ASAP2: variants seen among roughly 807,000 people sequenced by gnomAD.
ASAP2 encodes ArfGAP with SH3 domain, ankyrin repeat and PH domain 2.
A neutral mutation model predicts 131.4 loss-of-function variants in ASAP2; 45 were observed. The observed-to-expected ratio is 0.34, with a 90% CI of 0.27 to 0.44. The LOEUF (loss-of-function observed/expected upper bound fraction) is 0.44. Among genes scored for constraint, ASAP2 ranks in the 20% least tolerant of loss-of-function variants. The probability of loss-of-function intolerance (pLI) is 1.00; values close to 1 mark genes in which losing one functional copy is unlikely to be tolerated. For missense variants in ASAP2, 1,011 were observed against 1,297.0 expected (o/e 0.78, Z 3.39); for synonymous variants, 510 against 503.0 (o/e 1.01, Z -0.19).
At chr2:9,377,158 G>A (rs1276536296) in intron 18 of ASAP2, among the ~76,000 whole-genome samples, 165 bp downstream of exon 18, 1 of 152,146 alleles carries the variant, frequency 6.6e-6, no homozygotes, top group Middle Eastern at 3.2e-3. Flanking sequence ...GGTACTCCAT[G>A]GCAATCCTTT....
At position 9,217,270 on chromosome 2, in the gene ASAP2, C is replaced by T. The variant is rs1197970539; in HGVS notation, c.126+10040C>T. On this transcript the variant is annotated intron_variant, in intron 1 of 27. Coordinates refer to ENST00000281419, the MANE Select transcript of ASAP2 (RefSeq NM_003887.3). This position sits in a 1 kb window ranked among gnomAD's most constrained non-coding sequence, Gnocchi z 4.0. ...CTTCTGGCAAATCCTTGTTGCTTCT[C>T]GTTTCCTGTTTGCCTCATCTGTCCT... Among the ~76,000 whole-genome samples, 2 of 152,174 alleles carry T rather than the reference C, an allele frequency of 1.3e-5. No homozygotes were observed. Among genetic ancestry groups the T allele is most frequent in the African/African-American group, 2.4e-5 (1 of 41,430 alleles).
chr2:9,357,192 A>G (rs1672767334), intron 14 of ASAP2, among the ~76,000 whole-genome samples: 1 of 151,908 alleles, frequency 6.6e-6, no homozygotes, highest in African/African-American at 2.4e-5. Context: ...AAAAAAAAGA[A>G]TACCGACTGG....
At chr2:9,248,780 G>T (rs1374435735) in intron 1 of ASAP2, among the ~76,000 whole-genome samples, 3 of 152,108 alleles carry the variant, frequency 2.0e-5, no homozygotes, top group African/African-American at 7.2e-5. Context: ...TTAGATGGCA[G>T]TTCTTTATGG....
chr2:9,210,266 A>C (rs531992931), intron 1 of ASAP2, among the ~76,000 whole-genome samples: 3 of 152,250 alleles, frequency 2.0e-5, no homozygotes, highest in Admixed American at 1.3e-4. Context: ...ACAGCTTGCC[A>C]GCTGAGTGAA....
chr2:9,395,573 T>C (rs1676055317), intron 24 of ASAP2, among the ~76,000 whole-genome samples: 1 of 151,040 alleles, frequency 6.6e-6, no homozygotes. Flanking sequence ...TGTTTTGTTT[T>C]GTTTTTCTTG....
intron 1 of ASAP2, among the ~76,000 whole-genome samples, chr2:9,254,352 ACT>A (rs1664982536): frequency 1.6e-5 from 2 of 126,384 alleles, no homozygotes; most frequent in African/African-American, 6.1e-5. Context: ...TATAAACTAA[ACT>A]TTTTTTTTTT....
At chr2:9,270,418 A>G (rs532590127) in intron 1 of ASAP2, among the ~76,000 whole-genome samples, 2 of 151,772 alleles carry the variant, frequency 1.3e-5, no homozygotes, top group East Asian at 3.9e-4. Context: ...CTAAGATTTC[A>G]GTATTTTTTT....
At position 9,206,997 on chromosome 2, in the gene ASAP2, C is replaced by G. The variant is rs939648242; in HGVS notation, c.-108C>G. On this transcript the variant is annotated 5_prime_UTR_variant, in exon 1 of 28. Transcript: ENST00000281419. This position sits in a 1 kb window ranked among gnomAD's most constrained non-coding sequence, Gnocchi z 4.0. ...CCGGCGCTCCCCTTTGTCCGCGGGC[C>G]GGAGCGGCGGCGGCAGCGGCGGTGT... is the stretch of plus-strand genomic sequence containing the variant. 16 of 1,023,822 alleles carry G rather than the reference C, an allele frequency of 1.6e-5. No individual in the cohort carries two copies. In the East Asian group the frequency reaches 7.8e-4, roughly 50 times the overall value. The allele number at this position is 1,023,822 out of a possible 1,614,324, so 63.4% of individuals were successfully genotyped here.
chr2:9,399,740 A>G, intron 24 of ASAP2: 2 of 493,220 alleles, frequency 4.1e-6, no homozygotes, highest in Non-Finnish European at 7.3e-6. Context: ...GCCAGTGGCC[A>G]GTGCCCAGCA....
chr2:9,249,687 T>C (rs996136804), intron 1 of ASAP2, among the ~76,000 whole-genome samples: 1 of 151,484 alleles, frequency 6.6e-6, no homozygotes, highest in African/African-American at 2.4e-5. Context: ...GACTGGGCGC[T>C]GGGCTGAGAT....
chr2:9,386,055 T>G (rs1401925588), intron 21 of ASAP2, among the ~76,000 whole-genome samples: 1 of 152,212 alleles, frequency 6.6e-6, no homozygotes, highest in African/African-American at 2.4e-5. Context: ...CCATCTGTCC[T>G]TCAGCATGGT....
intron 16 of ASAP2, among the ~76,000 whole-genome samples, chr2:9,371,580 A>G (rs1469360797): frequency 6.6e-6 from 1 of 152,198 alleles, no homozygotes; most frequent in African/African-American, 2.4e-5. Context: ...GGGGAAACCA[A>G]GGACACCCTC....
intron 2 of ASAP2, among the ~76,000 whole-genome samples, chr2:9,280,712 A>C (rs576089336): frequency 1.3e-5 from 2 of 152,332 alleles, no homozygotes; most frequent in East Asian, 3.9e-4. Context: ...GCGGAAATTG[A>C]CAGGCCTTTT....
At chr2:9,335,493 A>G (rs920710302) in intron 9 of ASAP2, among the ~76,000 whole-genome samples, 2 of 152,110 alleles carry the variant, frequency 1.3e-5, no homozygotes, top group Non-Finnish European at 2.9e-5. Flanking sequence ...TGTGCTATTT[A>G]TCCTGTACCT....
intron 1 of ASAP2, among the ~76,000 whole-genome samples, chr2:9,218,797 T>TC (rs1662227186): frequency 6.6e-6 from 1 of 152,238 alleles, no homozygotes; most frequent in East Asian, 1.9e-4. Flanking sequence ...TTGCTTTTTT[T>TC]GGCTGTCGTC....
chr2:9,286,447 A>AAAATATAT (rs58605449), intron 2 of ASAP2, among the ~76,000 whole-genome samples: 7 of 148,490 alleles, frequency 4.7e-5, no homozygotes, highest in African/African-American at 1.8e-4. Flanking sequence ...GAAAAAAAAA[A>AAAATATAT]ATATATATAT....
intron 1 of ASAP2, among the ~76,000 whole-genome samples, chr2:9,211,837 G>A (rs1661582625): frequency 6.6e-6 from 1 of 152,224 alleles, no homozygotes; most frequent in African/African-American, 2.4e-5. Context: ...TTGAAAAACA[G>A]TTCCTCCAAG....
Position 9,350,894 on chromosome 2 carries a change from A to G in ASAP2, c.1110A>G (p.Ser370=), listed in dbSNP as rs1177172915. The change falls in exon 12 of 28, where the codon TCA becomes TCG. Residue 370 remains serine, a splice_region_variant and synonymous_variant. Coordinates refer to ENST00000281419, the MANE Select transcript of ASAP2 (RefSeq NM_003887.3). ...PEEKKCFDLI[S]HDRTYHFQAE... ...AGAAGAAGTGCTTTGACCTCATTTC[A>G]CGTAAGGCTCCCTCTGAGATGCCGC... 1 of 1,606,018 alleles carries G rather than the reference A, an allele frequency of 6.2e-7. No individual in the cohort carries two copies.
At chr2:9,372,766 C>G (rs1674076865) in intron 16 of ASAP2, among the ~76,000 whole-genome samples, 1 of 152,010 alleles carries the variant, frequency 6.6e-6, no homozygotes, top group East Asian at 1.9e-4. Flanking sequence ...GGGAACAAGC[C>G]CTGAACAGGA....
Sources: gnomAD v4.1 joint callset for allele counts (sites outside exome capture counted in the v4.1 genomes callset) on GRCh38, gnomAD v4.1.1 for gene constraint, Gnocchi (gnomAD v3.1) non-coding constraint, MANE v1.5 for transcripts, NCBI Gene and HGNC (gene_info 2026-07-23, HGNC 2026-07-21) for gene names.